The following PTER variants were observed in gnomAD, a reference collection of about 807,000 sequenced individuals.
PTER encodes phosphotriesterase related.
PTER carries 38 observed loss-of-function variants against 29.6 expected under a neutral mutation model. The observed-to-expected ratio is 1.28, with a 90% CI of 0.99 to 1.68. The LOEUF (loss-of-function observed/expected upper bound fraction) is 1.68, where lower values mean the gene tolerates loss of function less well. PTER is among the 40% of genes most tolerant of loss of function. The probability of loss-of-function intolerance (pLI) is 0.00; values close to 1 mark genes in which losing one functional copy is unlikely to be tolerated. For synonymous variants in PTER, 172 were observed against 154.5 expected (o/e 1.11, Z -0.84); for missense variants, 482 against 427.8 (o/e 1.13, Z -1.12).
intron 1 of PTER, among the ~76,000 whole-genome samples, chr10:16,467,194 A>G (rs1834867738): frequency 6.6e-6 from 1 of 152,228 alleles, no homozygotes; most frequent in African/African-American, 2.4e-5. Context: ...GAGAGAGAGG[A>G]GAGAAACCGC....
At chr10:16,439,651 G>A (rs1833777654) in intron 1 of PTER, among the ~76,000 whole-genome samples, 1 of 152,134 alleles carries the variant, frequency 6.6e-6, no homozygotes, top group Admixed American at 6.5e-5. Context: ...GTTCATACAG[G>A]ACATACATAC....
chr10:16,457,683 G>T (rs7080832), intron 1 of PTER, among the ~76,000 whole-genome samples: 97,010 of 151,932 alleles, frequency 0.64, 32,463 homozygotes, highest in African/African-American at 0.84. Context: ...CACTGCAACC[G>T]CTGCCTCCCA....
intron 2 of PTER, among the ~76,000 whole-genome samples, chr10:16,486,150 A>C (rs553212058): frequency 6.6e-6 from 1 of 152,272 alleles, no homozygotes; most frequent in African/African-American, 2.4e-5. Flanking sequence ...GATATTATCG[A>C]ATCTTGGATT....
chr10:16,492,864 C>T (rs1240301504), intron 3 of PTER, among the ~76,000 whole-genome samples: 1 of 152,186 alleles, frequency 6.6e-6, no homozygotes, highest in Admixed American at 6.5e-5. Context: ...TTCTGAAAGA[C>T]AACAAGAGGG....
intron 1 of PTER, among the ~76,000 whole-genome samples, chr10:16,440,376 G>C (rs757290684): frequency 2.6e-5 from 4 of 151,884 alleles, no homozygotes; most frequent in Non-Finnish European, 5.9e-5. Context: ...ATAACAAAAG[G>C]CTTCTCATTC....
At chr10:16,497,056 T>TC in intron 3 of PTER, among the ~76,000 whole-genome samples, 1 of 151,540 alleles carries the variant, frequency 6.6e-6, no homozygotes, top group African/African-American at 2.4e-5. Context: ...TACCTCAGCC[T>TC]CCCAAGTAGC....
intron 1 of PTER, among the ~76,000 whole-genome samples, chr10:16,446,585 G>A (rs546272763): frequency 2.6e-5 from 4 of 152,182 alleles, no homozygotes; most frequent in African/African-American, 9.6e-5. Context: ...AGTCCCATTT[G>A]TGTATTGAAT....
intron 1 of PTER, among the ~76,000 whole-genome samples, chr10:16,463,824 T>C (rs1257838493): frequency 6.6e-6 from 1 of 152,182 alleles, no homozygotes; most frequent in Admixed American, 6.5e-5. Flanking sequence ...TTTAAAGGTC[T>C]CCCACAGGAT....
intron 1 of PTER, among the ~76,000 whole-genome samples, chr10:16,471,180 A>G (rs77601852): frequency 0.024 from 3,655 of 152,342 alleles, 148 homozygotes; most frequent in African/African-American, 0.083. Flanking sequence ...ATTTGATCTG[A>G]AATATTGCGC....
intron 3 of PTER, among the ~76,000 whole-genome samples, chr10:16,499,307 C>T (rs931584286): frequency 6.6e-6 from 1 of 152,054 alleles, no homozygotes; most frequent in Non-Finnish European, 1.5e-5. Flanking sequence ...TCAGGACTTT[C>T]CTTTGAAAAC....
chr10:16,476,400 G>A lies in PTER; in HGVS notation c.-48-7937G>A, dbSNP rs140283154. Among the ~76,000 whole-genome samples, 6 of 152,020 alleles carry A rather than the reference G, an allele frequency of 3.9e-5. No individual in the cohort carries two copies. The East Asian group carries it at 7.8e-4, about 20-fold the overall frequency. ...CGACCTCATACTTTCTTATTTAAGT[G>A]GTGCTTTTAGGTATCGTTTTACTTG... On this transcript the variant is annotated intron_variant, in intron 1 of 4. Coordinates refer to ENST00000535784, the MANE Select transcript of PTER (RefSeq NM_001261836.2).
chr10:16,465,065 C>A (rs1323618420), intron 1 of PTER, among the ~76,000 whole-genome samples: 1 of 152,158 alleles, frequency 6.6e-6, no homozygotes, highest in African/African-American at 2.4e-5. Context: ...ATTCAAATAC[C>A]TCCCACTGGG....
intron 2 of PTER, 109 bp downstream of exon 2, chr10:16,484,925 A>G (rs1835635490): frequency 4.7e-6 from 6 of 1,265,992 alleles, no homozygotes; most frequent in Non-Finnish European, 6.3e-6. Flanking sequence ...GAAATTTGCT[A>G]GCTAGCAAAG....
At chr10:16,497,651 C>T (rs937074996) in intron 3 of PTER, among the ~76,000 whole-genome samples, 4 of 152,212 alleles carry the variant, frequency 2.6e-5, no homozygotes, top group Admixed American at 6.5e-5. Context: ...ATCCTACCCA[C>T]GGATCAAATT....
chr10:16,480,530 GT>G (rs1386720735), intron 1 of PTER, among the ~76,000 whole-genome samples: 1 of 152,050 alleles, frequency 6.6e-6, no homozygotes, highest in Non-Finnish European at 1.5e-5. Context: ...TGTTAGACGA[GT>G]ACCTTCAACC....
At chr10:16,475,408 ACT>A (rs1835222913) in intron 1 of PTER, among the ~76,000 whole-genome samples, 1 of 151,548 alleles carries the variant, frequency 6.6e-6, no homozygotes, top group African/African-American at 2.4e-5. Flanking sequence ...ATGGCTGGAG[ACT>A]CTCTTTCTCT....
intron 1 of PTER, among the ~76,000 whole-genome samples, chr10:16,447,292 T>C (rs897008592): frequency 7.9e-5 from 12 of 151,518 alleles, no homozygotes; most frequent in Middle Eastern, 6.8e-3. Flanking sequence ...AGAGATAAGG[T>C]GTCACTGTGT....
chr10:16,482,280 G>T (rs1835508605), intron 1 of PTER, among the ~76,000 whole-genome samples: 2 of 152,140 alleles, frequency 1.3e-5, no homozygotes, highest in Admixed American at 1.3e-4. Flanking sequence ...TCTGACCTCT[G>T]ATGTTGTTTT....
rs115314606 is a variant in PTER, at chr10:16,484,249, T to A, written c.-48-88T>A. On this transcript the variant is annotated intron_variant, in intron 1 of 4. Transcript: ENST00000535784. ...ATTTGCCTTCTTACATGGGTATATG[T>A]TCACAGCCTCCCACCCCTTACGGAC... 3.2e-3 allele frequency: 2,730 copies of A among 840,978 alleles called. 51 individuals are homozygous for A. In the African/African-American group the frequency reaches 0.041, roughly 13 times the overall value. The allele number at this position is 840,978 out of a possible 1,614,324, so 52.1% of individuals were successfully genotyped here.
Sources: gnomAD v4.1 joint callset for allele counts (sites outside exome capture counted in the v4.1 genomes callset) on GRCh38, gnomAD v4.1.1 for gene constraint, MANE v1.5 for transcripts, NCBI Gene and HGNC (gene_info 2026-07-23, HGNC 2026-07-21) for gene names.